The following TMEM135 variants were observed in gnomAD, a reference collection of about 807,000 sequenced individuals.
TMEM135 encodes the protein peroxisomal membrane protein 52.
TMEM135 carries 30 observed loss-of-function variants against 60.3 expected under a neutral mutation model. That is an observed-to-expected ratio of 0.50 (90% confidence interval 0.37 to 0.68). The LOEUF (loss-of-function observed/expected upper bound fraction) is 0.68. Among genes scored for constraint, TMEM135 ranks in the 30% least tolerant of loss-of-function variants. The pLI, the probability that TMEM135 is intolerant of heterozygous loss-of-function variation, is 0.00. For missense variants in TMEM135, 468 were observed against 548.8 expected (o/e 0.85, Z 1.47); for synonymous variants, 190 against 186.7 (o/e 1.02, Z -0.14).
At position 87,038,127 on chromosome 11, in the gene TMEM135, C is replaced by T. The variant is rs915095312; in HGVS notation, c.82C>T (p.Leu28=). ...TWHPSCRVSF[L]QITGGALEES... ...GCACCCTTCCTGCCGGGTCTCCTTC[C>T]TGCAGATCACCGGGGGCGCCCTGGA... Residue 28 remains leucine, a synonymous_variant, in exon 1 of 15, where the codon CTG becomes TTG. Coordinates refer to ENST00000305494, the MANE Select transcript of TMEM135 (RefSeq NM_022918.4). 4 of 1,614,076 alleles carry T rather than the reference C, an allele frequency of 2.5e-6. No individual in the cohort carries two copies. The highest frequency in any genetic ancestry group is 1.7e-6 in the Non-Finnish European group (2 of 1,180,052).
intron 5 of TMEM135, among the ~76,000 whole-genome samples, chr11:87,166,298 T>G (rs1000107156): frequency 3.3e-5 from 5 of 151,830 alleles, no homozygotes; most frequent in Non-Finnish European, 7.3e-5. Context: ...GTGCAGAAAC[T>G]CTTTAGTTTA....
In TMEM135 at chr11:87,322,110, T is replaced by C. The variant is rs1409189284; in HGVS notation, c.*777T>C. ...TTAATCTTTCACAGAAGTATTACAC[T>C]TGAATATTTAAAAACAAAACTTTTA... On this transcript the variant is annotated 3_prime_UTR_variant, in exon 15 of 15. Transcript: ENST00000305494. The C allele has an allele frequency of 2.2e-6, 1 of 453,486 alleles. No homozygotes were observed. The highest frequency in any genetic ancestry group is 4.4e-6 in the Non-Finnish European group (1 of 226,290). 28.1% of individuals were successfully genotyped at this position (453,486 alleles called of 1,614,324 possible).
chr11:87,227,919 A>G (rs1281870001), intron 5 of TMEM135, among the ~76,000 whole-genome samples: 3 of 152,196 alleles, frequency 2.0e-5, no homozygotes, highest in Non-Finnish European at 4.4e-5. Flanking sequence ...AGAAACTAAC[A>G]TTATAAAAAC....
rs1373295175 is a variant in TMEM135 at position 87,194,896 on chromosome 11, T to C, written c.462+37490T>C. Among the ~76,000 whole-genome samples the C allele has an allele frequency of 3.3e-5, 5 of 152,226 alleles. 1 individual carries two copies. The highest frequency in any genetic ancestry group is 2.0e-4 in the Admixed American group (3 of 15,290). ...TGAGGTTATCTTTTACATAAACTCATAAATGGATGAATTATATTTTCTTAC... is the reference window on the plus strand; with the variant it reads ...TGAGGTTATCTTTTACATAAACTCACAAATGGATGAATTATATTTTCTTAC... On this transcript the variant is annotated intron_variant, in intron 5 of 14. Coordinates refer to ENST00000305494, the MANE Select transcript of TMEM135 (RefSeq NM_022918.4).
At chr11:87,279,698 C>G (rs1565154331) in intron 6 of TMEM135, among the ~76,000 whole-genome samples, 1 of 152,100 alleles carries the variant, frequency 6.6e-6, no homozygotes, top group Non-Finnish European at 1.5e-5. Context: ...GTGGTAATTA[C>G]AAAAAAGTAT....
intron 5 of TMEM135, among the ~76,000 whole-genome samples, chr11:87,176,665 TA>T: frequency 6.6e-6 from 1 of 152,068 alleles, no homozygotes; most frequent in East Asian, 1.9e-4. Context: ...GAAAGATTGT[TA>T]AGGTAGGTTG....
chr11:87,282,156 G>C (rs7101863), intron 6 of TMEM135, among the ~76,000 whole-genome samples: 55,675 of 151,960 alleles, frequency 0.37, 10,871 homozygotes, highest in Non-Finnish European at 0.43. Context: ...AGGGGAGGTG[G>C]ATAAGAGAAG....
At chr11:87,297,577 C>T (rs541732304) in intron 7 of TMEM135, among the ~76,000 whole-genome samples, 1 of 152,252 alleles carries the variant, frequency 6.6e-6, no homozygotes, top group East Asian at 1.9e-4. Context: ...GTCTTGTTTT[C>T]CTACATCTCC....
chr11:87,183,399 C>A (rs1361283220), intron 5 of TMEM135, among the ~76,000 whole-genome samples: 1 of 151,490 alleles, frequency 6.6e-6, no homozygotes. Context: ...CCTCAGCCTC[C>A]CCAAGTGTGG....
intron 4 of TMEM135, among the ~76,000 whole-genome samples, chr11:87,137,763 A>G (rs1938144415): frequency 6.6e-6 from 1 of 152,028 alleles, no homozygotes; most frequent in African/African-American, 2.4e-5. Flanking sequence ...GTTAATTTTC[A>G]TTATGTTAAA....
intron 5 of TMEM135, among the ~76,000 whole-genome samples, chr11:87,214,305 G>T (rs1016258085): frequency 6.6e-5 from 10 of 152,266 alleles, no homozygotes; most frequent in Non-Finnish European, 8.8e-5. Flanking sequence ...TCCTCTCCTG[G>T]TACCTTGCCA....
intron 5 of TMEM135, among the ~76,000 whole-genome samples, chr11:87,196,937 A>T (rs958714885): frequency 6.6e-6 from 1 of 152,136 alleles, no homozygotes; most frequent in African/African-American, 2.4e-5. Context: ...GCTGATGTTA[A>T]ATATTGGTGT....
chr11:87,139,011 A>G (rs1404303597), intron 4 of TMEM135, among the ~76,000 whole-genome samples: 1 of 152,078 alleles, frequency 6.6e-6, no homozygotes, highest in Non-Finnish European at 1.5e-5. Context: ...TGGATTATTC[A>G]TCTCTAGTAT....
At chr11:87,215,235 G>A (rs1011082712) in intron 5 of TMEM135, among the ~76,000 whole-genome samples, 1 of 152,058 alleles carries the variant, frequency 6.6e-6, no homozygotes, top group African/African-American at 2.4e-5. Context: ...TTCTACCTAA[G>A]TGATTTCCAG....
chr11:87,309,690 G>C lies in TMEM135; in HGVS notation c.936+18G>C, dbSNP rs1590863191. On this transcript the variant is annotated intron_variant, in intron 10 of 14. Coordinates refer to ENST00000305494, the MANE Select transcript of TMEM135 (RefSeq NM_022918.4). The stretch of plus-strand genomic sequence containing the variant: ...TATACAAGGTAAGGCTTTTAGAAGA[G>C]GAAAGAAAAATGGGAAATAAATAAC... 1 of 1,611,330 alleles carries C rather than the reference G, an allele frequency of 6.2e-7. No homozygotes were observed. Among genetic ancestry groups the C allele is most frequent in the Non-Finnish European group, 8.5e-7 (1 of 1,178,892 alleles).
At chr11:87,148,337 AG>A (rs1565461449) in intron 4 of TMEM135, among the ~76,000 whole-genome samples, 1 of 152,214 alleles carries the variant, frequency 6.6e-6, no homozygotes, top group Non-Finnish European at 1.5e-5. Context: ...GCTTTCCCAT[AG>A]AAACAAAGGA....
At chr11:87,040,560 G>T (rs1368371870) in intron 1 of TMEM135, among the ~76,000 whole-genome samples, 2 of 152,028 alleles carry the variant, frequency 1.3e-5, no homozygotes, top group East Asian at 1.9e-4. Context: ...TACTCGGGAG[G>T]CTGAGGCAGG....
Position 87,082,689 on chromosome 11 carries a change from C to A in TMEM135, c.363-8673C>A, listed in dbSNP as rs532448446. Reference sequence around the variant, plus strand: ...GTATGAGAGGAGGTCTAAGATTGAACGTTTAGAAGCAGCAACATTTAAGGA... The same window carrying A: ...GTATGAGAGGAGGTCTAAGATTGAAAGTTTAGAAGCAGCAACATTTAAGGA... On this transcript the variant is annotated intron_variant, in intron 3 of 14. Transcript: ENST00000305494. Among the ~76,000 whole-genome samples, 7 of 152,238 alleles carry A rather than the reference C, an allele frequency of 4.6e-5. No individual in the cohort carries two copies. The East Asian group carries it at 1.3e-3, about 29-fold the overall frequency.
intron 4 of TMEM135, among the ~76,000 whole-genome samples, chr11:87,127,658 G>C (rs564301024): frequency 6.6e-6 from 1 of 152,330 alleles, no homozygotes; most frequent in Admixed American, 6.5e-5. Context: ...TAAGAGGCCA[G>C]TTAAAGACAA....
Sources: allele counts gnomAD v4.1 joint callset (sites outside exome capture counted in the v4.1 genomes callset), GRCh38; gene constraint gnomAD v4.1.1; transcripts MANE v1.5; gene names NCBI Gene and HGNC (gene_info 2026-07-23, HGNC 2026-07-21).